FOXP2: variants seen among roughly 807,000 people sequenced by gnomAD.
FOXP2 encodes the protein forkhead box P2.
Under a neutral mutation model 115.8 loss-of-function variants are expected in FOXP2, and 12 were observed. That is an observed-to-expected ratio of 0.10 (90% CI 0.07 to 0.17). The LOEUF (loss-of-function observed/expected upper bound fraction) is 0.17, where lower values mean the gene tolerates loss of function less well. Among genes scored for constraint, FOXP2 ranks in the 10% least tolerant of loss-of-function variants. The pLI is 1.00. For synonymous variants in FOXP2, 328 were observed against 297.7 expected, an observed-to-expected ratio of 1.10 and a Z score of -1.05; for missense variants, 629 against 843.5, an observed-to-expected ratio of 0.75 and a Z score of 3.15.
chr7:114,557,224 T>C (rs1800508537), intron 3 of FOXP2, among the ~76,000 whole-genome samples: 1 of 152,212 alleles, frequency 6.6e-6, no homozygotes, highest in East Asian at 1.9e-4. Context: ...GAATATAGAC[T>C]TACTCAGAGA....
intron 2 of FOXP2, among the ~76,000 whole-genome samples, chr7:114,288,661 A>T (rs2129176070): frequency 6.6e-6 from 1 of 151,900 alleles, no homozygotes. Context: ...GAGTATCTTT[A>T]AATCTCATGA....
intron 2 of FOXP2, chr7:114,498,983 C>G: frequency 1.4e-6 from 1 of 716,470 alleles, no homozygotes; most frequent in Non-Finnish European, 2.6e-6. Context: ...GAGTCCTGGA[C>G]CAGCAGCAAC....
At chr7:114,566,844 TC>T (rs1801049178) in intron 3 of FOXP2, among the ~76,000 whole-genome samples, 1 of 151,956 alleles carries the variant, frequency 6.6e-6, no homozygotes, top group Non-Finnish European at 1.5e-5. Context: ...TAAAATATTT[TC>T]ATTTGTTAGG....
At chr7:114,388,651 T>C (rs1007495189) in intron 2 of FOXP2, among the ~76,000 whole-genome samples, 1 of 152,206 alleles carries the variant, frequency 6.6e-6, no homozygotes, top group African/African-American at 2.4e-5. Context: ...AAAAATATAC[T>C]GTTAGAGAAA....
At chr7:114,491,064 C>T (rs1214445028) in intron 2 of FOXP2, among the ~76,000 whole-genome samples, 1 of 152,154 alleles carries the variant, frequency 6.6e-6, no homozygotes, top group Non-Finnish European at 1.5e-5. Context: ...AGTTCTAGAT[C>T]CCTGAGGAAT....
intron 2 of FOXP2, among the ~76,000 whole-genome samples, chr7:114,400,549 A>G (rs565993481): frequency 1.3e-5 from 2 of 152,284 alleles, no homozygotes; most frequent in Admixed American, 6.5e-5. Flanking sequence ...GCGGTCCCCA[A>G]TCTTTTTGGC....
intron 2 of FOXP2, among the ~76,000 whole-genome samples, chr7:114,382,679 G>T (rs555916610): frequency 3.3e-5 from 5 of 152,068 alleles, no homozygotes; most frequent in African/African-American, 1.2e-4. Flanking sequence ...GTTCAATAGG[G>T]TTTCTAAGTT....
At chr7:114,674,724 T>C (rs1034206039) in intron 16 of FOXP2, among the ~76,000 whole-genome samples, 2 of 152,192 alleles carry the variant, frequency 1.3e-5, no homozygotes, top group African/African-American at 4.8e-5. Context: ...ATCTTTCTTA[T>C]TCAGTCCTAT....
intron 2 of FOXP2, among the ~76,000 whole-genome samples, chr7:114,325,870 G>T (rs1218926080): frequency 3.9e-5 from 6 of 152,000 alleles, no homozygotes; most frequent in African/African-American, 1.4e-4. Context: ...CTGCTAGATG[G>T]AATCATAGTT....
intron 3 of FOXP2, among the ~76,000 whole-genome samples, chr7:114,574,436 A>G (rs12671308): frequency 0.12 from 18,024 of 151,646 alleles, 2,476 homozygotes; most frequent in African/African-American, 0.33. Flanking sequence ...AAAAATCTTC[A>G]CTTATTTTAC....
chr7:114,344,532 T>G (rs1258935932), intron 2 of FOXP2, among the ~76,000 whole-genome samples: 1 of 151,842 alleles, frequency 6.6e-6, no homozygotes. Context: ...GTTTCAAATG[T>G]AATCTGGGGT....
intron 2 of FOXP2, among the ~76,000 whole-genome samples, chr7:114,489,902 A>G (rs1378656281): frequency 6.6e-6 from 1 of 152,192 alleles, no homozygotes; most frequent in Non-Finnish European, 1.5e-5. Flanking sequence ...TACTATCAGA[A>G]TGGCCCAAAT....
At chr7:114,264,804 A>C (rs1468188273) in intron 1 of FOXP2, among the ~76,000 whole-genome samples, 2 of 152,148 alleles carry the variant, frequency 1.3e-5, no homozygotes, top group African/African-American at 2.4e-5. Context: ...AAGGCGAAGC[A>C]AGAGCAGGCC....
At chr7:114,321,215 A>G (rs1480166936) in intron 2 of FOXP2, among the ~76,000 whole-genome samples, 1 of 145,964 alleles carries the variant, frequency 6.9e-6, no homozygotes, top group Admixed American at 6.9e-5. Flanking sequence ...TTATTTATTT[A>G]TGAGACAGAG....
chr7:114,495,507 T>TC (rs1443864316), intron 2 of FOXP2, among the ~76,000 whole-genome samples: 1 of 135,364 alleles, frequency 7.4e-6, no homozygotes, highest in East Asian at 2.1e-4. Context: ...TTTTTTTTTT[T>TC]TTTTTTGTTA....
intron 3 of FOXP2, among the ~76,000 whole-genome samples, chr7:114,569,096 C>T (rs558385646): frequency 4.0e-5 from 6 of 151,864 alleles, no homozygotes; most frequent in South Asian, 4.2e-4. Context: ...TGTAAATGAG[C>T]GTCTATCTGT....
chr7:114,470,388 C>A (rs1795993590), intron 2 of FOXP2, among the ~76,000 whole-genome samples: 1 of 152,130 alleles, frequency 6.6e-6, no homozygotes, highest in Non-Finnish European at 1.5e-5. Flanking sequence ...CTTTATCATT[C>A]TAAACCAAAT....
At chr7:114,630,027 G>T (rs1804816589) in intron 5 of FOXP2, 22 bp downstream of exon 5, 1 of 1,603,336 alleles carries the variant, frequency 6.2e-7, no homozygotes. Flanking sequence ...TTATCTCATT[G>T]ATACATAACA....
Position 114,265,927 on chromosome 7 carries a change from G to A in FOXP2, c.-101-22092G>A, listed in dbSNP as rs191237171. On this transcript the variant is annotated intron_variant, in intron 1 of 17. Transcript: ENST00000634411. The stretch of plus-strand genomic sequence containing the variant: ...TGGTTTCGAGAAGCAGTGTCCTGAG[G>A]TTGTGCAGGGCAATAGAGGCCCTAA... Among the ~76,000 whole-genome samples, 290 of 152,208 alleles carry A rather than the reference G, an allele frequency of 1.9e-3. 2 individuals are homozygous for A. The highest frequency in any genetic ancestry group is 6.7e-3 in the African/African-American group (280 of 41,538).
Sources: allele counts gnomAD v4.1 joint callset (sites outside exome capture counted in the v4.1 genomes callset), GRCh38; gene constraint gnomAD v4.1.1; transcripts MANE v1.5; gene names NCBI Gene and HGNC (gene_info 2026-07-23, HGNC 2026-07-21).